The following PLCB1 variants were observed in gnomAD, a reference collection of about 807,000 sequenced individuals.
PLCB1 encodes 1-phosphatidylinositol 4,5-bisphosphate phosphodiesterase beta-1.
Under a neutral mutation model 161.8 loss-of-function variants are expected in PLCB1, and 46 were observed. The ratio of observed to expected loss-of-function variants is 0.28; its 90% CI spans 0.22 to 0.36. The LOEUF (loss-of-function observed/expected upper bound fraction) is 0.36. Ranked by LOEUF, PLCB1 falls within the 10% of genes least tolerant of loss-of-function variation. The pLI is 1.00. For missense variants in PLCB1, 1,016 were observed against 1,472.5 expected, an observed-to-expected ratio of 0.69 and a Z score of 5.07; for synonymous variants, 517 against 503.7, an observed-to-expected ratio of 1.03 and a Z score of -0.35.
intron 3 of PLCB1, among the ~76,000 whole-genome samples, chr20:8,577,615 A>T (rs936907447): frequency 2.0e-5 from 3 of 152,168 alleles, no homozygotes; most frequent in African/African-American, 7.2e-5. Context: ...CTTGGCACTT[A>T]AGAGATCTAA....
intron 25 of PLCB1, among the ~76,000 whole-genome samples, chr20:8,761,483 C>T (rs2092383): frequency 0.26 from 38,942 of 152,046 alleles, 5,411 homozygotes; most frequent in Non-Finnish European, 0.32. Flanking sequence ...AGAAAAATTA[C>T]TTGAGGAAAG....
intron 3 of PLCB1, among the ~76,000 whole-genome samples, chr20:8,550,805 C>A (rs565606528): frequency 1.3e-5 from 2 of 152,298 alleles, no homozygotes; most frequent in Admixed American, 6.5e-5. Flanking sequence ...CTCCTAGCAA[C>A]AACTCCTAAA....
chr20:8,161,052 C>T (rs1172786161), intron 2 of PLCB1, among the ~76,000 whole-genome samples: 1 of 151,914 alleles, frequency 6.6e-6, no homozygotes, highest in African/African-American at 2.4e-5. Context: ...TATCATTATC[C>T]TTGTTATCCT....
At chr20:8,489,282 C>T (rs6077366) in intron 3 of PLCB1, among the ~76,000 whole-genome samples, 121,665 of 152,046 alleles carry the variant, frequency 0.8, 49,067 homozygotes, top group African/African-American at 0.9. Context: ...CGTGGCAGGA[C>T]ATTGGGTACA....
At position 8,722,357 on chromosome 20, in the gene PLCB1, A is replaced by G; in HGVS notation, c.1517A>G (p.Glu506Gly). ...MFEPSSPGAGEADTESDDDDD... is the reference protein window; with the variant it reads ...MFEPSSPGAGGADTESDDDDD... ...ATCTGTTATTAAAATTTGACAGGAGAAGCTGATACGGAAAGTGACGACGAC... is the reference window on the plus strand; with the variant it reads ...ATCTGTTATTAAAATTTGACAGGAGGAGCTGATACGGAAAGTGACGACGAC... The change falls in exon 15 of 32, where the codon GAA becomes GGA. Residue 506 changes from glutamate to glycine, a missense_variant. Physicochemically the swap from Glu to Gly is moderately conservative, Grantham distance 98. Around this residue, in one of 10 missense-constraint regions of PLCB1, gnomAD observed 109 missense variants for 129.7 expected, o/e 0.84. Transcript: ENST00000338037. 1 of 1,610,506 alleles carries G rather than the reference A, an allele frequency of 6.2e-7. No homozygotes were observed. The highest frequency in any genetic ancestry group is 8.5e-7 in the Non-Finnish European group (1 of 1,178,250).
Position 8,132,482 on chromosome 20 carries a change from C to A in PLCB1, c.-170C>A, listed in dbSNP as rs139962835. The A allele has an allele frequency of 0.043, 15,302 of 354,066 alleles. 425 individuals carry two copies. Among genetic ancestry groups the A allele is most frequent in the Middle Eastern group, 0.093 (120 of 1,288 alleles). The allele number at this position is 354,066 out of a possible 1,614,324, so 21.9% of individuals were successfully genotyped here. The stretch of plus-strand genomic sequence containing the variant: ...GCCCCCGCGCGCTCTGCCTGCTGAG[C>A]GGCGCCGGAGGGAGGTGCGGAGGCC... On this transcript the variant is annotated 5_prime_UTR_variant, in exon 1 of 32. Transcript: ENST00000338037. This position sits in a 1 kb window ranked among gnomAD's most constrained non-coding sequence, Gnocchi z 5.2.
chr20:8,857,272 G>C (rs1268463901), intron 31 of PLCB1, among the ~76,000 whole-genome samples: 2 of 152,126 alleles, frequency 1.3e-5, no homozygotes, highest in African/African-American at 4.8e-5. Flanking sequence ...GAGGAGTGAA[G>C]AATGGTGGGT....
At chr20:8,257,911 C>T (rs1981508183) in intron 2 of PLCB1, among the ~76,000 whole-genome samples, 1 of 152,066 alleles carries the variant, frequency 6.6e-6, no homozygotes, top group Non-Finnish European at 1.5e-5. Flanking sequence ...GATAGTGATG[C>T]CACTTGTAAA....
At chr20:8,643,307 C>G (rs1261225701) in intron 4 of PLCB1, among the ~76,000 whole-genome samples, 1 of 152,196 alleles carries the variant, frequency 6.6e-6, no homozygotes, top group Non-Finnish European at 1.5e-5. Flanking sequence ...CTCCAGACAC[C>G]TAAATGCTCT....
At chr20:8,223,010 G>A (rs1023900760) in intron 2 of PLCB1, among the ~76,000 whole-genome samples, 6 of 152,142 alleles carry the variant, frequency 3.9e-5, no homozygotes, top group African/African-American at 1.4e-4. Flanking sequence ...AAATTGAACA[G>A]TTTTGTCCAC....
chr20:8,238,370 A>G (rs1980432445), intron 2 of PLCB1, among the ~76,000 whole-genome samples: 1 of 152,086 alleles, frequency 6.6e-6, no homozygotes, highest in Non-Finnish European at 1.5e-5. Context: ...TATGAAGGCA[A>G]TGAATTCCAG....
intron 2 of PLCB1, among the ~76,000 whole-genome samples, chr20:8,342,472 G>T (rs1440781999): frequency 6.6e-6 from 1 of 152,186 alleles, no homozygotes; most frequent in East Asian, 1.9e-4. Flanking sequence ...GCAAGGGAAA[G>T]CAGATTGTAA....
At chr20:8,292,856 A>G (rs1983449153) in intron 2 of PLCB1, among the ~76,000 whole-genome samples, 2 of 152,200 alleles carry the variant, frequency 1.3e-5, no homozygotes, top group Non-Finnish European at 2.9e-5. Context: ...GTTAATTAAC[A>G]TATGTAAAAC....
intron 3 of PLCB1, among the ~76,000 whole-genome samples, chr20:8,399,329 AC>A (rs1978442960): frequency 6.6e-6 from 1 of 152,160 alleles, no homozygotes; most frequent in African/African-American, 2.4e-5. Flanking sequence ...TTGTGCCAAC[AC>A]CACTTATTTA....
chr20:8,573,379 G>C (rs1986583711), intron 3 of PLCB1, among the ~76,000 whole-genome samples: 1 of 152,208 alleles, frequency 6.6e-6, no homozygotes. Flanking sequence ...AAATGGAACA[G>C]AGAAATGGTG....
chr20:8,609,253 T>A (rs1790489965), intron 3 of PLCB1, among the ~76,000 whole-genome samples: 1 of 152,196 alleles, frequency 6.6e-6, no homozygotes. Context: ...TACTTTTACA[T>A]CAACCTAATA....
chr20:8,306,920 CA>C lies in PLCB1; in HGVS notation c.178-64460del, dbSNP rs1371132962. ...AAGCTAGAACTGAGCACATTCTTAA[CA>C]AGGTGGTTTCGAGTTTTCAGATACA... On this transcript the variant is annotated intron_variant, in intron 2 of 31. Transcript: ENST00000338037. 2.6e-5 allele frequency among the ~76,000 whole-genome samples: 4 copies of C among 152,324 alleles called. No individual in the cohort carries two copies. In the East Asian group the frequency reaches 7.7e-4, roughly 29 times the overall value.
At chr20:8,608,520 A>G (rs1176475003) in intron 3 of PLCB1, among the ~76,000 whole-genome samples, 2 of 152,218 alleles carry the variant, frequency 1.3e-5, no homozygotes, top group Non-Finnish European at 2.9e-5. Flanking sequence ...TTCCTCACCC[A>G]AATTAGATAG....
At chr20:8,153,033 A>G (rs1750526401) in intron 2 of PLCB1, among the ~76,000 whole-genome samples, 4 of 152,142 alleles carry the variant, frequency 2.6e-5, no homozygotes, top group African/African-American at 7.2e-5. Flanking sequence ...ATGACATGCT[A>G]CCTTCCAAAA....
Sources: allele counts gnomAD v4.1 joint callset (sites outside exome capture counted in the v4.1 genomes callset), GRCh38; gene constraint gnomAD v4.1.1; regional missense constraint gnomAD v4.1.1; non-coding constraint Gnocchi (gnomAD v3.1); transcripts MANE v1.5; gene names NCBI Gene and HGNC (gene_info 2026-07-23, HGNC 2026-07-21).